The following GPHN variants were observed in gnomAD, a reference collection of about 807,000 sequenced individuals.
GPHN encodes gephyrin.
A neutral mutation model predicts 95.5 loss-of-function variants in GPHN; 17 were observed. The ratio of observed to expected loss-of-function variants is 0.18; its 90% CI spans 0.12 to 0.27. The LOEUF is 0.27. Ranked by LOEUF, GPHN falls within the 10% of genes least tolerant of loss-of-function variation. GPHN has a pLI of 1.00. For synonymous variants in GPHN, 320 were observed against 322.5 expected, an observed-to-expected ratio of 0.99 and a Z score of 0.08; for missense variants, 660 against 978.1, an observed-to-expected ratio of 0.67 and a Z score of 4.34.
intron 1 of GPHN, among the ~76,000 whole-genome samples, chr14:66,598,796 G>A (rs1322323074): frequency 6.7e-6 from 1 of 149,490 alleles, no homozygotes; most frequent in Admixed American, 6.7e-5. Context: ...TGAGATCAGC[G>A]CCACTGCACT....
chr14:67,237,861 A>G, the GPHN span, among the ~76,000 whole-genome samples: 2 of 152,096 alleles, frequency 1.3e-5, no homozygotes, highest in Non-Finnish European at 2.9e-5. Context: ...GAGGATGAAC[A>G]GCCCTTCTGA....
chr14:67,177,774 C>T (rs1665131050), intron 21 of GPHN, among the ~76,000 whole-genome samples: 1 of 152,108 alleles, frequency 6.6e-6, no homozygotes, highest in African/African-American at 2.4e-5. Flanking sequence ...GTATTGGGTG[C>T]ATATATATTT....
intron 2 of GPHN, among the ~76,000 whole-genome samples, chr14:66,726,174 T>G (rs2071217439): frequency 6.6e-6 from 1 of 152,184 alleles, no homozygotes; most frequent in African/African-American, 2.4e-5. Context: ...CCTTATCTAC[T>G]CCCGTTCAAA....
intron 17 of GPHN, among the ~76,000 whole-genome samples, chr14:67,123,202 A>C (rs537435429): frequency 3.3e-5 from 5 of 152,214 alleles, no homozygotes; most frequent in Non-Finnish European, 7.3e-5. Context: ...TTTCTCTCTT[A>C]TCACTACCTC....
chr14:67,373,820 A>G, the GPHN span, among the ~76,000 whole-genome samples: 1 of 149,508 alleles, frequency 6.7e-6, no homozygotes, highest in Admixed American at 6.7e-5. Flanking sequence ...CATACAGTAG[A>G]TTAGATAGTT....
At chr14:67,451,357 T>C in the GPHN span, among the ~76,000 whole-genome samples, 4 of 152,148 alleles carry the variant, frequency 2.6e-5, no homozygotes, top group Admixed American at 2.6e-4. Context: ...GGCCCCAGAA[T>C]GGTAGATCCA....
chr14:66,570,100 ATG>A (rs943753090), intron 1 of GPHN, among the ~76,000 whole-genome samples: 4 of 151,920 alleles, frequency 2.6e-5, no homozygotes, highest in Non-Finnish European at 5.9e-5. Context: ...TGAGGATATT[ATG>A]TTGTGAAGGA....
At chr14:67,358,602 A>G in the GPHN span, among the ~76,000 whole-genome samples, 1 of 152,194 alleles carries the variant, frequency 6.6e-6, no homozygotes, top group East Asian at 1.9e-4. Flanking sequence ...AGGGAGGCTG[A>G]GGCCGGAGGA....
intron 13 of GPHN, among the ~76,000 whole-genome samples, chr14:67,102,428 C>T (rs1484466349): frequency 2.0e-5 from 3 of 151,644 alleles, no homozygotes; most frequent in Non-Finnish European, 2.9e-5. Context: ...TGGGAGGCCG[C>T]GGCGGGCAGA....
chr14:67,446,011 C>T, the GPHN span: 4 of 515,828 alleles, frequency 7.8e-6, no homozygotes, highest in African/African-American at 3.8e-5. Context: ...CCCAGGAAAA[C>T]CAGATCTTTT....
rs140801303 is a variant in GPHN at position 66,891,568 on chromosome 14, A to T, written c.389+11535A>T. 7.0e-4 allele frequency among the ~76,000 whole-genome samples: 107 copies of T among 152,254 alleles called. 2 individuals are homozygous for T. The East Asian group carries it at 0.02, about 29-fold the overall frequency. ...GAAAAAAACATAGGGGGACAGCTTC[A>T]TGACATTAGATTTGGCAGTCATTTC... On this transcript the variant is annotated intron_variant, in intron 5 of 22. Coordinates refer to ENST00000478722, the MANE Select transcript of GPHN (RefSeq NM_020806.5).
chr14:67,248,781 T>C, the GPHN span, among the ~76,000 whole-genome samples: 1 of 152,186 alleles, frequency 6.6e-6, no homozygotes, highest in Non-Finnish European at 1.5e-5. Flanking sequence ...AAATAAGGTG[T>C]GCCTGATTTG....
At chr14:66,962,108 G>A (rs1322789862) in intron 8 of GPHN, among the ~76,000 whole-genome samples, 5 of 149,066 alleles carry the variant, frequency 3.4e-5, no homozygotes, top group Non-Finnish European at 7.5e-5. Flanking sequence ...TTTTTTTCTT[G>A]ACCCCTTGTA....
chr14:67,585,568 C>T, the GPHN span: 1 of 1,574,222 alleles, frequency 6.4e-7, no homozygotes, highest in East Asian at 2.3e-5. Flanking sequence ...GTTTCCCCAG[C>T]CTGCCCAGCT....
intron 9 of GPHN, among the ~76,000 whole-genome samples, chr14:67,023,062 CTA>C (rs1296800490): frequency 4.6e-5 from 7 of 151,676 alleles, no homozygotes; most frequent in South Asian, 2.1e-4. Flanking sequence ...AATATTATAA[CTA>C]TGATAAATTA....
chr14:67,364,673 C>T, the GPHN span: 15 of 1,276,556 alleles, frequency 1.2e-5, no homozygotes, highest in African/African-American at 3.1e-5. Context: ...TTTTTTTCTT[C>T]ATCTTTTCTT....
the GPHN span, chr14:67,364,588 G>T: frequency 3.5e-6 from 2 of 564,300 alleles, no homozygotes; most frequent in Non-Finnish European, 5.9e-6. Context: ...ATTAAAGCTT[G>T]GTTCCTGAAC....
At chr14:66,960,886 C>G (rs1428298362) in intron 8 of GPHN, among the ~76,000 whole-genome samples, 10 of 152,044 alleles carry the variant, frequency 6.6e-5, no homozygotes, top group Admixed American at 6.6e-4. Context: ...ATTCCATAAC[C>G]CTCACTCCCA....
intron 17 of GPHN, among the ~76,000 whole-genome samples, chr14:67,123,636 A>G (rs1025113092): frequency 6.6e-6 from 1 of 152,164 alleles, no homozygotes; most frequent in Non-Finnish European, 1.5e-5. Context: ...AGATCGTAAC[A>G]CTGCACCCCA....
Sources: gnomAD v4.1 joint callset for allele counts (sites outside exome capture counted in the v4.1 genomes callset) on GRCh38, gnomAD v4.1.1 for gene constraint, MANE v1.5 for transcripts, NCBI Gene and HGNC (gene_info 2026-07-23, HGNC 2026-07-21) for gene names.